SEMA3D: variants seen among roughly 807,000 people sequenced by gnomAD.
SEMA3D encodes semaphorin 3D, also known as semaphorin-3D.
In SEMA3D, 84 loss-of-function variants were observed where a neutral mutation model predicts 100.1. The observed-to-expected ratio is 0.84, with a 90% CI of 0.70 to 1.01. The LOEUF (loss-of-function observed/expected upper bound fraction) is 1.01. SEMA3D is among the 50% of genes least tolerant of loss of function. The probability of loss-of-function intolerance (pLI) is 0.00; values close to 1 mark genes in which losing one functional copy is unlikely to be tolerated. For synonymous variants in SEMA3D, 312 were observed against 320.7 expected, an observed-to-expected ratio of 0.97 and a Z score of 0.29; for missense variants, 875 against 934.1, an observed-to-expected ratio of 0.94 and a Z score of 0.82.
rs922549555 is a variant in SEMA3D at position 85,186,726 on chromosome 7, G to A, written c.-221C>T. 1.3e-5 allele frequency: 2 copies of A among 152,324 alleles called. No individual in the cohort carries two copies. Among genetic ancestry groups the A allele is most frequent in the East Asian group, 3.9e-4 (2 of 5,164 alleles). 9.4% of individuals were successfully genotyped at this position (152,324 alleles called of 1,614,324 possible). Reference sequence around the variant, plus strand: ...CTCTCTTTTCCTGGTGCCTTTTCAGGGAGAGGGGAACGGGATGCAGGCTGA... The same window carrying A: ...CTCTCTTTTCCTGGTGCCTTTTCAGAGAGAGGGGAACGGGATGCAGGCTGA... On this transcript the variant is annotated 5_prime_UTR_variant, in exon 1 of 19. Coordinates refer to ENST00000284136, the MANE Select transcript of SEMA3D (RefSeq NM_001384900.1).
chr7:84,996,459 C>T lies in SEMA3D; in HGVS notation c.*2981G>A, dbSNP rs1004427546. 6 of 151,988 alleles carry T rather than the reference C, an allele frequency of 3.9e-5. No individual in the cohort carries two copies. Among genetic ancestry groups the T allele is most frequent in the African/African-American group, 1.4e-4 (6 of 41,434 alleles). 9.4% of individuals were successfully genotyped at this position (151,988 alleles called of 1,614,324 possible). ...GTGGCTTTTGCAAATTACTAAATTT[C>T]TCTGTGACTACTTTTCCATTTCTTA... On this transcript the variant is annotated 3_prime_UTR_variant, in exon 19 of 19. Transcript: ENST00000284136.
At chr7:85,125,234 A>G (rs1326677613) in intron 2 of SEMA3D, among the ~76,000 whole-genome samples, 1 of 152,120 alleles carries the variant, frequency 6.6e-6, no homozygotes, top group Non-Finnish European at 1.5e-5. Context: ...AAAAGAGGGA[A>G]CTTTCCATAT....
the SEMA3D span, among the ~76,000 whole-genome samples, chr7:85,220,620 G>A: frequency 6.6e-6 from 1 of 152,016 alleles, no homozygotes; most frequent in African/African-American, 2.4e-5. Flanking sequence ...AGTGTGTAAA[G>A]TTAGGAAAGT....
At chr7:85,049,395 A>C (rs975032038) in intron 9 of SEMA3D, among the ~76,000 whole-genome samples, 1 of 151,788 alleles carries the variant, frequency 6.6e-6, no homozygotes, top group Non-Finnish European at 1.5e-5. Context: ...GAAATACAGG[A>C]CTGGTGTAAT....
intron 1 of SEMA3D, among the ~76,000 whole-genome samples, chr7:85,168,425 T>A (rs1383875465): frequency 1.3e-5 from 2 of 151,830 alleles, no homozygotes; most frequent in African/African-American, 4.8e-5. Flanking sequence ...TTGATGTAAA[T>A]GTCAACAATT....
intron 1 of SEMA3D, among the ~76,000 whole-genome samples, chr7:85,157,223 A>G (rs1173634644): frequency 6.6e-6 from 1 of 152,202 alleles, no homozygotes; most frequent in Non-Finnish European, 1.5e-5. Context: ...AGTCAATACT[A>G]AAAATGTGGC....
intron 1 of SEMA3D, among the ~76,000 whole-genome samples, chr7:85,162,348 A>G (rs2116520491): frequency 6.6e-6 from 1 of 152,246 alleles, no homozygotes; most frequent in African/African-American, 2.4e-5. Context: ...GCATAAAACC[A>G]CACCCTTATC....
intron 3 of SEMA3D, 52 bp from the exon 4 acceptor site, chr7:85,098,017 AAG>A (rs956507803): frequency 5.0e-6 from 5 of 992,086 alleles, no homozygotes; most frequent in African/African-American, 1.7e-5. Flanking sequence ...GAAAGAAAGA[AAG>A]AGAAAGAAAG....
chr7:85,051,974 T>G (rs1424533074), intron 9 of SEMA3D, among the ~76,000 whole-genome samples: 2 of 151,932 alleles, frequency 1.3e-5, no homozygotes, highest in Non-Finnish European at 2.9e-5. Context: ...TACATGGCGA[T>G]TGTATTGGAT....
chr7:85,184,825 G>C (rs1791496953), intron 1 of SEMA3D, among the ~76,000 whole-genome samples: 1 of 152,054 alleles, frequency 6.6e-6, no homozygotes, highest in South Asian at 2.1e-4. Flanking sequence ...ATCACTTTGC[G>C]CCTGTCAGCG....
rs759628275 is a variant in SEMA3D, at chr7:84,999,486, C to G, written c.2288G>C (p.Arg763Thr). 1 of 1,614,050 alleles carries G rather than the reference C, an allele frequency of 6.2e-7. No individual in the cohort carries two copies. The highest frequency in any genetic ancestry group is 8.5e-7 in the Non-Finnish European group (1 of 1,180,014). The part of the protein sequence containing the change: ...MQEMKKKRNR[R>T]HHRDLDELPR... Reference sequence around the variant, plus strand: ...GAGCTCATCCAGGTCTCTGTGATGTCTTCGATTTCGTTTCTTCTTCATTTC... The same window carrying G: ...GAGCTCATCCAGGTCTCTGTGATGTGTTCGATTTCGTTTCTTCTTCATTTC... The change falls in exon 19 of 19, where the codon AGA (arginine) becomes ACA (threonine). Residue 763 changes from arginine to threonine, a missense_variant. Transcript: ENST00000284136.
chr7:85,155,713 T>C (rs1790574749), intron 1 of SEMA3D, among the ~76,000 whole-genome samples: 1 of 152,202 alleles, frequency 6.6e-6, no homozygotes, highest in East Asian at 1.9e-4. Context: ...TATTTATTTC[T>C]AATGAGGGTT....
At chr7:85,241,206 A>G in the SEMA3D span, among the ~76,000 whole-genome samples, 4 of 151,972 alleles carry the variant, frequency 2.6e-5, no homozygotes, top group Non-Finnish European at 5.9e-5. Flanking sequence ...GAACACATCT[A>G]TACGGCTAGT....
intron 2 of SEMA3D, among the ~76,000 whole-genome samples, chr7:85,146,598 T>TA (rs1032378009): frequency 1.3e-5 from 2 of 151,736 alleles, no homozygotes; most frequent in Admixed American, 1.3e-4. Flanking sequence ...ATTCTGCATT[T>TA]AAGATATGCA....
At chr7:85,014,843 G>T (rs1015816477) in intron 16 of SEMA3D, among the ~76,000 whole-genome samples, 1 of 151,654 alleles carries the variant, frequency 6.6e-6, no homozygotes, top group Non-Finnish European at 1.5e-5. Flanking sequence ...ATTGTTTGAA[G>T]TTCCATATTT....
intron 9 of SEMA3D, among the ~76,000 whole-genome samples, chr7:85,053,568 C>CA (rs1791227016): frequency 6.6e-6 from 1 of 151,882 alleles, no homozygotes; most frequent in Non-Finnish European, 1.5e-5. Context: ...AGTCATTTTT[C>CA]ATGTTGTCAG....
intron 16 of SEMA3D, 107 bp from the exon 17 acceptor site, chr7:85,012,953 C>T: frequency 1.3e-6 from 1 of 798,728 alleles, no homozygotes; most frequent in South Asian, 1.6e-5. Flanking sequence ...CTATGCTTGT[C>T]TTACAGTTCA....
chr7:85,198,984 G>A, the SEMA3D span, among the ~76,000 whole-genome samples: 2 of 151,530 alleles, frequency 1.3e-5, no homozygotes, highest in Non-Finnish European at 2.9e-5. Flanking sequence ...TGTCTCAAAT[G>A]TAGTGTTTTC....
the SEMA3D span, among the ~76,000 whole-genome samples, chr7:85,206,192 G>A: frequency 2.6e-5 from 4 of 152,084 alleles, no homozygotes; most frequent in Non-Finnish European, 5.9e-5. Flanking sequence ...TCCTCATCAG[G>A]TTTAAATTGG....
Sources: gnomAD v4.1 joint callset for allele counts (sites outside exome capture counted in the v4.1 genomes callset) on GRCh38, gnomAD v4.1.1 for gene constraint, MANE v1.5 for transcripts, NCBI Gene and HGNC (gene_info 2026-07-23, HGNC 2026-07-21) for gene names.